The following TTC6 variants were observed in gnomAD, a reference collection of about 807,000 sequenced individuals.
TTC6 encodes tetratricopeptide repeat domain 6.
A neutral mutation model predicts 210.4 loss-of-function variants in TTC6; 172 were observed. That is an observed-to-expected ratio of 0.82 (90% CI 0.72 to 0.93). The LOEUF is 0.93. Ranked by LOEUF, TTC6 falls within the 40% of genes least tolerant of loss-of-function variation. The pLI is 0.00. For missense variants in TTC6, 2,414 were observed against 2,318.1 expected (o/e 1.04, Z -0.85); for synonymous variants, 804 against 819.6 (o/e 0.98, Z 0.32).
intron 4 of TTC6, among the ~76,000 whole-genome samples, chr14:37,699,193 A>G (rs1161644162): frequency 6.6e-6 from 1 of 152,242 alleles, no homozygotes; most frequent in East Asian, 1.9e-4. Context: ...ATATTTAGAC[A>G]TGGACAAAAG....
chr14:37,753,498 T>C (rs184445074), intron 14 of TTC6, among the ~76,000 whole-genome samples: 1 of 152,362 alleles, frequency 6.6e-6, no homozygotes, highest in African/African-American at 2.4e-5. Context: ...GCCTACCACC[T>C]TGCATCTCTT....
chr14:37,764,299 A>G (rs1019623819), intron 14 of TTC6, among the ~76,000 whole-genome samples: 3 of 152,124 alleles, frequency 2.0e-5, no homozygotes, highest in Non-Finnish European at 2.9e-5. Context: ...GTTAGTTTAT[A>G]CTACTGTTCA....
intron 21 of TTC6, among the ~76,000 whole-genome samples, chr14:37,805,693 T>G (rs1019473489): frequency 1.2e-4 from 18 of 152,084 alleles, no homozygotes; most frequent in Non-Finnish European, 2.4e-4. Flanking sequence ...TGAAGTGTTT[T>G]TTTGTTTGTT....
At chr14:37,642,726 G>A (rs1230721958) in intron 1 of TTC6, among the ~76,000 whole-genome samples, 3 of 152,110 alleles carry the variant, frequency 2.0e-5, no homozygotes, top group African/African-American at 7.2e-5. Context: ...ACATTGTAGT[G>A]TACTTACACA....
intron 10 of TTC6, among the ~76,000 whole-genome samples, chr14:37,744,088 TGGAG>T (rs776489081): frequency 6.6e-6 from 1 of 152,226 alleles, no homozygotes; most frequent in Non-Finnish European, 1.5e-5. Context: ...AGTGAAGAGT[TGGAG>T]GGACTGTAGT....
chr14:37,732,543 T>C (rs964426503), intron 7 of TTC6, among the ~76,000 whole-genome samples: 1 of 151,736 alleles, frequency 6.6e-6, no homozygotes, highest in African/African-American at 2.4e-5. Context: ...TTAAGAAGAT[T>C]ATAAGGAAGA....
At chr14:37,672,459 CAGGGAAAGA>C (rs2095760177) in intron 1 of TTC6, among the ~76,000 whole-genome samples, 1 of 152,172 alleles carries the variant, frequency 6.6e-6, no homozygotes, top group Non-Finnish European at 1.5e-5. Context: ...GAAACTTCTT[CAGGGAAAGA>C]ATCTTGACTT....
At chr14:37,828,612 C>T (rs1311276906) in intron 29 of TTC6, among the ~76,000 whole-genome samples, 1 of 151,976 alleles carries the variant, frequency 6.6e-6, no homozygotes, top group Admixed American at 6.6e-5. Flanking sequence ...ATTTCTATTT[C>T]CCATTTGACT....
intron 3 of TTC6, among the ~76,000 whole-genome samples, chr14:37,694,594 A>G (rs1595115738): frequency 6.6e-6 from 1 of 152,314 alleles, no homozygotes; most frequent in East Asian, 1.9e-4. Flanking sequence ...CAAAGAAAGG[A>G]AATCAGTATG....
chr14:37,695,159 C>T (rs1008225296), intron 3 of TTC6, among the ~76,000 whole-genome samples: 1 of 151,580 alleles, frequency 6.6e-6, no homozygotes, highest in African/African-American at 2.4e-5. Flanking sequence ...ATCACAGATT[C>T]TCACTTATTT....
At chr14:37,785,578 C>T (rs897250106) in intron 14 of TTC6, among the ~76,000 whole-genome samples, 7 of 152,290 alleles carry the variant, frequency 4.6e-5, no homozygotes, top group African/African-American at 1.7e-4. Flanking sequence ...TCCTTTAGCT[C>T]AGAGAAGTTT....
chr14:37,611,285 G>C (rs922989031), intron 2 of TTC6: 2 of 152,234 alleles, frequency 1.3e-5, no homozygotes, highest in Non-Finnish European at 2.9e-5. Flanking sequence ...CACAGGAAAG[G>C]CCTGTTGGAC....
At chr14:37,745,505 A>G (rs555193401) in intron 10 of TTC6, among the ~76,000 whole-genome samples, 2 of 152,124 alleles carry the variant, frequency 1.3e-5, no homozygotes, top group African/African-American at 4.8e-5. Context: ...GGCCCTTACT[A>G]CCATTATCTT....
chr14:37,743,731 G>A lies in TTC6; in HGVS notation c.2363+4576G>A, dbSNP rs1044318808. Among the ~76,000 whole-genome samples the A allele has an allele frequency of 2.6e-5, 4 of 152,332 alleles. No individual in the cohort carries two copies. The East Asian group carries it at 5.8e-4, about 22-fold the overall frequency. On this transcript the variant is annotated intron_variant, in intron 10 of 30. Coordinates refer to ENST00000553443, the Ensembl canonical transcript of TTC6. The stretch of plus-strand genomic sequence containing the variant: ...ATGTATAGCTTCAAACTTAGGTTTA[G>A]AGGACCCCTCATTCAACTCTGTTAT...
intron 20 of TTC6, chr14:37,802,045 G>A (rs889303539): frequency 6.6e-6 from 1 of 152,282 alleles, no homozygotes. Context: ...ACATACACAC[G>A]ATGGAATATT....
chr14:37,642,862 G>A (rs2095694651), intron 1 of TTC6, among the ~76,000 whole-genome samples: 1 of 152,186 alleles, frequency 6.6e-6, no homozygotes, highest in African/African-American at 2.4e-5. Flanking sequence ...GAAAGTATTT[G>A]TGTATCTAAA....
At chr14:37,836,245 G>T (rs915620804) in intron 29 of TTC6, among the ~76,000 whole-genome samples, 1 of 152,098 alleles carries the variant, frequency 6.6e-6, no homozygotes, top group Admixed American at 6.6e-5. Flanking sequence ...ATCTAATCCT[G>T]TCAGTTTTAC....
chr14:37,683,139 CAT>C (rs1405250988), intron 3 of TTC6, among the ~76,000 whole-genome samples, 175 bp downstream of exon 5: 2 of 152,052 alleles, frequency 1.3e-5, no homozygotes, highest in African/African-American at 4.8e-5. Flanking sequence ...GAAAAGGAAA[CAT>C]GTTTTTTGAG....
exon 25 of TTC6, chr14:37,812,387 G>C: frequency 1.9e-6 from 3 of 1,613,056 alleles, no homozygotes; most frequent in Non-Finnish European, 2.5e-6. Context: ...TTCCTTAATC[G>C]TGGACTCATC....
Sources: allele counts gnomAD v4.1 joint callset (sites outside exome capture counted in the v4.1 genomes callset), GRCh38; gene constraint gnomAD v4.1.1; transcripts MANE v1.5; gene names NCBI Gene and HGNC (gene_info 2026-07-23, HGNC 2026-07-21).